The following TSNAX variants were observed in gnomAD, a reference collection of about 807,000 sequenced individuals.
The protein encoded by TSNAX is translin-associated protein X.
TSNAX carries 12 observed loss-of-function variants against 33.0 expected under a neutral mutation model. That is an observed-to-expected ratio of 0.36 (90% CI 0.23 to 0.59). The LOEUF (loss-of-function observed/expected upper bound fraction) is 0.59, where lower values mean the gene tolerates loss of function less well. TSNAX is among the 20% of genes least tolerant of loss of function. The probability of loss-of-function intolerance (pLI) is 0.74; values close to 1 mark genes in which losing one functional copy is unlikely to be tolerated. For missense variants in TSNAX, 267 were observed against 341.3 expected (o/e 0.78, Z 1.72); for synonymous variants, 110 against 117.2 (o/e 0.94, Z 0.40).
intron 4 of TSNAX, among the ~76,000 whole-genome samples, chr1:231,551,680 G>T (rs537214314): frequency 4.2e-4 from 63 of 151,454 alleles, no homozygotes; most frequent in African/African-American, 1.5e-3. Flanking sequence ...TAAAAACCCT[G>T]CCTAGGGCTG....
intron 2 of TSNAX, among the ~76,000 whole-genome samples, chr1:231,531,932 G>C (rs955083754): frequency 6.6e-6 from 1 of 151,874 alleles, no homozygotes; most frequent in Middle Eastern, 3.2e-3. Context: ...GACAGCATGC[G>C]CCTGTAGTAT....
At position 231,547,389 on chromosome 1, in the gene TSNAX, C is replaced by CTT. The variant is rs71179784; in HGVS notation, c.367+4796_367+4797dup. 5.9e-3 allele frequency among the ~76,000 whole-genome samples: 620 copies of CTT among 104,682 alleles called. 13 individuals are homozygous for CTT. The highest frequency in any genetic ancestry group is 0.014 in the Middle Eastern group (2 of 144). 68.7% of individuals were successfully genotyped at this position (104,682 alleles called of 152,430 possible). ...GCTAAAGGCTTTTTCTTTTTTTTTTCTTTTTTTTTTTTTTTTTTTGAGATG... is the reference window on the plus strand; with the variant it reads ...GCTAAAGGCTTTTTCTTTTTTTTTTCTTTTTTTTTTTTTTTTTTTTTGAGATG... On this transcript the variant is annotated intron_variant, in intron 4 of 5. Coordinates refer to ENST00000366639, the MANE Select transcript of TSNAX (RefSeq NM_005999.3).
At chr1:231,562,831 A>T (rs1277333499) in intron 5 of TSNAX, among the ~76,000 whole-genome samples, 1 of 152,230 alleles carries the variant, frequency 6.6e-6, no homozygotes, top group Non-Finnish European at 1.5e-5. Flanking sequence ...TATTGTCAAA[A>T]CTATTTAATT....
intron 4 of TSNAX, among the ~76,000 whole-genome samples, chr1:231,549,430 C>T (rs571650059): frequency 1.8e-4 from 28 of 152,026 alleles, no homozygotes; most frequent in Non-Finnish European, 1.3e-4. Flanking sequence ...CGCCCCCAGC[C>T]CAAAAATAAA....
intron 3 of TSNAX, among the ~76,000 whole-genome samples, chr1:231,541,711 A>G (rs1659586014): frequency 1.3e-5 from 2 of 152,114 alleles, no homozygotes; most frequent in Non-Finnish European, 2.9e-5. Context: ...TATTTTTTGT[A>G]GTGTCAATCT....
At chr1:231,534,150 T>C (rs944436564) in intron 2 of TSNAX, 3 of 152,248 alleles carry the variant, frequency 2.0e-5, no homozygotes, top group African/African-American at 7.2e-5. Context: ...TAGATTTGAT[T>C]AATATTTTCT....
At chr1:231,539,760 A>G (rs1045100538) in intron 3 of TSNAX, among the ~76,000 whole-genome samples, 1 of 152,222 alleles carries the variant, frequency 6.6e-6, no homozygotes, top group African/African-American at 2.4e-5. Flanking sequence ...GTTTTTTATC[A>G]TAGTTGTGAT....
At chr1:231,557,567 T>C (rs1660772876) in intron 4 of TSNAX, among the ~76,000 whole-genome samples, 1 of 152,182 alleles carries the variant, frequency 6.6e-6, no homozygotes, top group South Asian at 2.1e-4. Context: ...AACTTAGCTC[T>C]GAGGAGGAGG....
At chr1:231,533,406 A>G (rs994785911) in intron 2 of TSNAX, among the ~76,000 whole-genome samples, 20 of 152,192 alleles carry the variant, frequency 1.3e-4, no homozygotes, top group Admixed American at 1.3e-3. Flanking sequence ...CGGCCCGGAA[A>G]GTCTTTAATG....
At position 231,560,413 on chromosome 1, in the gene TSNAX, C is replaced by G. The variant is rs868598796; in HGVS notation, c.368-715C>G. ...GAATAGGCTTTTCTTTTCTCCCCCC[C>G]CCCCCTTTTTTTTTTTTTGAGACGA... is the stretch of plus-strand genomic sequence containing the variant. On this transcript the variant is annotated intron_variant, in intron 4 of 5. Transcript: ENST00000366639. Among the ~76,000 whole-genome samples the G allele has an allele frequency of 1.6e-4, 16 of 97,764 alleles. 2 individuals are homozygous for G. In the South Asian group the frequency reaches 5.6e-3, roughly 34 times the overall value. 64.1% of individuals were successfully genotyped at this position (97,764 alleles called of 152,430 possible).
At chr1:231,563,204 A>C (rs1043895064) in intron 5 of TSNAX, among the ~76,000 whole-genome samples, 4 of 152,194 alleles carry the variant, frequency 2.6e-5, no homozygotes, top group Non-Finnish European at 5.9e-5. Context: ...ACTACCTAAA[A>C]TGTCCTTTGA....
At chr1:231,559,218 T>C (rs1660879744) in intron 4 of TSNAX, among the ~76,000 whole-genome samples, 1 of 152,158 alleles carries the variant, frequency 6.6e-6, no homozygotes, top group Non-Finnish European at 1.5e-5. Context: ...TTAAAAAGTT[T>C]CTTAAACTAA....
rs1661381290 is a variant in TSNAX, at chr1:231,565,743, AAAG to A, written c.*841_*843del. ...CATCTCAAAAAAAGAAAGAAAGAAA[AAAG>A]AAAGTACAAGTTTATAAAGTATTAT... On this transcript the variant is annotated 3_prime_UTR_variant, in exon 6 of 6. Coordinates refer to ENST00000366639, the MANE Select transcript of TSNAX (RefSeq NM_005999.3). The A allele has an allele frequency of 6.6e-6, 1 of 152,126 alleles. No homozygotes were observed. The allele number at this position is 152,126 out of a possible 1,614,324, so 9.4% of individuals were successfully genotyped here.
intron 4 of TSNAX, among the ~76,000 whole-genome samples, chr1:231,544,577 A>G (rs1659783535): frequency 6.6e-6 from 1 of 152,232 alleles, no homozygotes; most frequent in South Asian, 2.1e-4. Flanking sequence ...TGACAACATC[A>G]AGTTCCCCAA....
At chr1:231,543,608 GCTTAATAC>G (rs1339082449) in intron 4 of TSNAX, among the ~76,000 whole-genome samples, 1 of 152,130 alleles carries the variant, frequency 6.6e-6, no homozygotes, top group Middle Eastern at 3.2e-3. Flanking sequence ...TTTGGTATCT[GCTTAATAC>G]GAATACCCAG....
intron 4 of TSNAX, among the ~76,000 whole-genome samples, chr1:231,543,046 C>T (rs925556267): frequency 9.2e-5 from 14 of 151,778 alleles, no homozygotes; most frequent in African/African-American, 2.9e-4. Flanking sequence ...GGTGCGTTGG[C>T]GGGCGCCTGT....
chr1:231,544,606 G>A (rs1401889961), intron 4 of TSNAX, among the ~76,000 whole-genome samples: 1 of 152,148 alleles, frequency 6.6e-6, no homozygotes, highest in Non-Finnish European at 1.5e-5. Context: ...GGGACATATG[G>A]GACATTTCAG....
chr1:231,549,575 G>A lies in TSNAX; in HGVS notation c.367+6964G>A, dbSNP rs1021278870. Among the ~76,000 whole-genome samples the A allele has an allele frequency of 3.3e-5, 5 of 152,330 alleles. No individual in the cohort carries two copies. The South Asian group carries it at 1.0e-3, about 32-fold the overall frequency. ...TCTGTATAGCAATAGGAATGAATGA[G>A]GCAGAAAGTTAGATTAATTCATGGT... is the stretch of plus-strand genomic sequence containing the variant. On this transcript the variant is annotated intron_variant, in intron 4 of 5. Transcript: ENST00000366639.
intron 2 of TSNAX, chr1:231,536,539 A>G (rs1331248749): frequency 6.6e-6 from 1 of 152,216 alleles, no homozygotes; most frequent in Non-Finnish European, 1.5e-5. Context: ...ATCTTCAAGG[A>G]TTCAGGAATT....
Sources: allele counts gnomAD v4.1 joint callset (sites outside exome capture counted in the v4.1 genomes callset), GRCh38; gene constraint gnomAD v4.1.1; transcripts MANE v1.5; gene names NCBI Gene and HGNC (gene_info 2026-07-23, HGNC 2026-07-21).